Variants in PRKAA1 observed in about 807,000 individuals in gnomAD.
PRKAA1 encodes 5'-AMP-activated protein kinase catalytic subunit alpha-1.
Under a neutral mutation model 56.9 loss-of-function variants are expected in PRKAA1, and 23 were observed. The observed-to-expected ratio is 0.40, with a 90% CI of 0.29 to 0.57. The LOEUF (loss-of-function observed/expected upper bound fraction) is 0.57, where lower values mean the gene tolerates loss of function less well. Among genes scored for constraint, PRKAA1 ranks in the 20% least tolerant of loss-of-function variants. The pLI, the probability that PRKAA1 is intolerant of heterozygous loss-of-function variation, is 0.39. For missense variants in PRKAA1, 413 were observed against 679.7 expected (o/e 0.61, Z 4.36); for synonymous variants, 226 against 227.0 (o/e 1.00, Z 0.04).
chr5:40,764,718 T>C (rs776633534), intron 7 of PRKAA1, 34 bp downstream of exon 7: 2 of 1,603,600 alleles, frequency 1.2e-6, no homozygotes, highest in South Asian at 2.2e-5. Flanking sequence ...GTTTGCCAAA[T>C]ATGCTAATAA....
rs1290839635 is a variant in PRKAA1, at chr5:40,798,347, C to T, written c.-158G>A. ...CGTCGGGCGCAGACGCTCCCCCTGG[C>T]GGGGCGGGCGGGGGCTGCCAGGAGA... On this transcript the variant is annotated 5_prime_UTR_variant, in exon 1 of 9. Transcript: ENST00000397128. The T allele has an allele frequency of 2.6e-5, 9 of 344,316 alleles. No individual in the cohort carries two copies. Among genetic ancestry groups the T allele is most frequent in the Non-Finnish European group, 4.0e-5 (8 of 198,840 alleles). 21.3% of individuals were successfully genotyped at this position (344,316 alleles called of 1,614,324 possible). A position where few individuals can be genotyped will look rare whatever the true frequency, so the allele number is the denominator to read the frequency against.
intron 1 of PRKAA1, among the ~76,000 whole-genome samples, chr5:40,778,389 A>T (rs192239478): frequency 6.6e-6 from 1 of 152,254 alleles, no homozygotes. Flanking sequence ...GAGTGATTAC[A>T]TAGGAGAATA....
chr5:40,796,860 C>G lies in PRKAA1; in HGVS notation c.127+1203G>C, dbSNP rs142103792. The stretch of plus-strand genomic sequence containing the variant: ...TTTTTCTTTCAAGTCAAATATTTAC[C>G]AAGAACTTAGTATATGCAAGTCAGT... On this transcript the variant is annotated intron_variant, in intron 1 of 8. Coordinates refer to ENST00000397128, the MANE Select transcript of PRKAA1 (RefSeq NM_006251.6). Among the ~76,000 whole-genome samples the G allele has an allele frequency of 1.3e-3, 196 of 152,104 alleles. 3 individuals carry two copies. The highest frequency in any genetic ancestry group is 4.4e-3 in the African/African-American group (182 of 41,500).
intron 4 of PRKAA1, 102 bp downstream of exon 4, chr5:40,771,617 T>C: frequency 8.4e-7 from 1 of 1,186,112 alleles, no homozygotes; most frequent in Non-Finnish European, 1.2e-6. Context: ...AGTCTATTAC[T>C]TTATGTAATC....
At chr5:40,795,380 A>C (rs1450106001) in intron 1 of PRKAA1, among the ~76,000 whole-genome samples, 1 of 152,096 alleles carries the variant, frequency 6.6e-6, no homozygotes, top group East Asian at 1.9e-4. Flanking sequence ...TACCCCAATA[A>C]CTTAAAGAAA....
intron 1 of PRKAA1, among the ~76,000 whole-genome samples, chr5:40,797,155 T>C (rs1256660929): frequency 6.6e-6 from 1 of 152,200 alleles, no homozygotes; most frequent in South Asian, 2.1e-4. Flanking sequence ...AACTGCATAG[T>C]GGTGAAGTCT....
At chr5:40,782,606 A>T (rs1744307468) in intron 1 of PRKAA1, among the ~76,000 whole-genome samples, 1 of 152,220 alleles carries the variant, frequency 6.6e-6, no homozygotes, top group Non-Finnish European at 1.5e-5. Context: ...AAGAAAATAT[A>T]GGAGGTATGA....
chr5:40,787,761 G>T (rs190433897), intron 1 of PRKAA1, among the ~76,000 whole-genome samples: 2 of 151,560 alleles, frequency 1.3e-5, no homozygotes, highest in African/African-American at 4.8e-5. Context: ...CACAAAGGGG[G>T]AAAGTAATAG....
At chr5:40,779,681 A>C (rs1744181300) in intron 1 of PRKAA1, among the ~76,000 whole-genome samples, 1 of 152,200 alleles carries the variant, frequency 6.6e-6, no homozygotes. Context: ...AAGATCGATC[A>C]AAAACTGCAA....
chr5:40,790,479 T>C (rs1707483887), intron 1 of PRKAA1, among the ~76,000 whole-genome samples: 1 of 152,052 alleles, frequency 6.6e-6, no homozygotes, highest in Admixed American at 6.6e-5. Flanking sequence ...TTCCGCTTTT[T>C]GAATTTGTAT....
intron 1 of PRKAA1, among the ~76,000 whole-genome samples, chr5:40,796,652 A>T (rs1245819436): frequency 1.3e-5 from 2 of 152,162 alleles, no homozygotes; most frequent in African/African-American, 4.8e-5. Flanking sequence ...GCAGATTTTC[A>T]TAAGAAGGTT....
In PRKAA1 at chr5:40,777,427, A is replaced by C. The variant is rs770675867; in HGVS notation, c.269+18T>G. On this transcript the variant is annotated intron_variant, in intron 2 of 8. Coordinates refer to ENST00000397128, the MANE Select transcript of PRKAA1 (RefSeq NM_006251.6). ...ATGAAAAGATGACTGGACTATATTTAATATAAACAGAGCTTACAGTTTAAT... is the reference window on the plus strand; with the variant it reads ...ATGAAAAGATGACTGGACTATATTTCATATAAACAGAGCTTACAGTTTAAT... 4.6e-6 allele frequency: 7 copies of C among 1,507,328 alleles called. No individual in the cohort carries two copies. The South Asian group carries it at 8.3e-5, about 18-fold the overall frequency. 93.4% of individuals were successfully genotyped at this position (1,507,328 alleles called of 1,614,324 possible).
Position 40,762,956 on chromosome 5 carries a change from C to T in PRKAA1, c.1502G>A (p.Arg501Gln), listed in dbSNP as rs369722345. 3 of 1,613,958 alleles carry T rather than the reference C, an allele frequency of 1.9e-6. No homozygotes were observed. Among genetic ancestry groups the T allele is most frequent in the African/African-American group, 1.3e-5 (1 of 74,898 alleles). ...ATCTGAATCACTCCTTTGGCAAGATCGATAGTTGCTAACTGATCCCGATCT... is the reference window on the plus strand; with the variant it reads ...ATCTGAATCACTCCTTTGGCAAGATTGATAGTTGCTAACTGATCCCGATCT... ...PQRSGSVSNY[R>Q]SCQRSDSDAE... The change falls in exon 9 of 9, where the codon CGA becomes CAA. Residue 501 changes from arginine (R) to glutamine (Q), a missense_variant. This residue lies in a region of PRKAA1 where 139 missense variants were observed against 171.5 expected (regional missense o/e 0.81). Transcript: ENST00000397128.
chr5:40,768,872 T>A, intron 5 of PRKAA1: 1 of 1,555,318 alleles, frequency 6.4e-7, no homozygotes, highest in South Asian at 1.2e-5. Context: ...TGTACAAATA[T>A]CTTCATGTTC....
chr5:40,776,728 T>C (rs1014825072), intron 2 of PRKAA1, among the ~76,000 whole-genome samples: 4 of 152,222 alleles, frequency 2.6e-5, no homozygotes, highest in African/African-American at 9.6e-5. Context: ...TGAAATTTTG[T>C]TATCTATATG....
rs190042072 is a variant in PRKAA1 at position 40,771,129 on chromosome 5, C to T, written c.508+590G>A. Among the ~76,000 whole-genome samples, 449 of 152,280 alleles carry T rather than the reference C, an allele frequency of 2.9e-3. 3 individuals are homozygous for T. The highest frequency in any genetic ancestry group is 0.01 in the African/African-American group (436 of 41,564). ...TTTGAACATACTGGAAATAAAGCTGCTACCTTCTCTTTCACAAATAATACT... is the reference window on the plus strand; with the variant it reads ...TTTGAACATACTGGAAATAAAGCTGTTACCTTCTCTTTCACAAATAATACT... On this transcript the variant is annotated intron_variant, in intron 4 of 8. Coordinates refer to ENST00000397128, the MANE Select transcript of PRKAA1 (RefSeq NM_006251.6).
chr5:40,795,110 A>C (rs1744870519), intron 1 of PRKAA1, among the ~76,000 whole-genome samples: 1 of 152,148 alleles, frequency 6.6e-6, no homozygotes, highest in Non-Finnish European at 1.5e-5. Flanking sequence ...AGTGGAGACT[A>C]TTATTCTAAG....
At chr5:40,779,498 C>G (rs546736713) in intron 1 of PRKAA1, among the ~76,000 whole-genome samples, 2 of 152,102 alleles carry the variant, frequency 1.3e-5, no homozygotes, top group Non-Finnish European at 2.9e-5. Flanking sequence ...CATAAATACT[C>G]AGGTATACTA....
Position 40,768,585 on chromosome 5 carries a change from C to T in PRKAA1, c.596+831G>A, listed in dbSNP as rs947749990. On this transcript the variant is annotated intron_variant, in intron 5 of 8. Transcript: ENST00000397128. ...TAAAATTAGGTACTCCTGCCTTACT[C>T]ACAGCCATATTTTTACACAAATCTC... 75 of 1,035,784 alleles carry T rather than the reference C, an allele frequency of 7.2e-5. 1 individual carries two copies. Among genetic ancestry groups the T allele is most frequent in the Non-Finnish European group, 8.4e-5 (72 of 862,108 alleles). The allele number at this position is 1,035,784 out of a possible 1,614,324, so 64.2% of individuals were successfully genotyped here.
Sources: gnomAD v4.1 joint callset for allele counts (sites outside exome capture counted in the v4.1 genomes callset) on GRCh38, gnomAD v4.1.1 for gene constraint, gnomAD v4.1.1 regional missense constraint, MANE v1.5 for transcripts, NCBI Gene and HGNC (gene_info 2026-07-23, HGNC 2026-07-21) for gene names.